The following LRRC2 variants were observed in gnomAD, a reference collection of about 807,000 sequenced individuals.
LRRC2 encodes the protein leucine rich repeat containing 2, also known as leucine-rich repeat-containing protein 2.
In LRRC2, 27 loss-of-function variants were observed where a neutral mutation model predicts 40.2. The ratio of observed to expected loss-of-function variants is 0.67; its 90% CI spans 0.49 to 0.93. The LOEUF is 0.93. Among genes scored for constraint, LRRC2 ranks in the 40% least tolerant of loss-of-function variants. The pLI, the probability that LRRC2 is intolerant of heterozygous loss-of-function variation, is 0.00. For missense variants in LRRC2, 402 were observed against 439.6 expected (o/e 0.91, Z 0.76); for synonymous variants, 147 against 158.9 (o/e 0.92, Z 0.56).
intron 4 of LRRC2, 77 bp from the exon 5 acceptor site, chr3:46,532,986 T>A: frequency 7.1e-7 from 1 of 1,411,702 alleles, no homozygotes; most frequent in Non-Finnish European, 9.8e-7. Flanking sequence ...AACTAAGAAG[T>A]AAACAGCTCT....
chr3:46,560,074 C>T (rs1396185551), intron 1 of LRRC2, among the ~76,000 whole-genome samples: 1 of 152,144 alleles, frequency 6.6e-6, no homozygotes, highest in African/African-American at 2.4e-5. Flanking sequence ...CCAGGTCCAG[C>T]CCAGCCCTTG....
chr3:46,551,739 G>A (rs1704658489), intron 1 of LRRC2, 129 bp from the exon 2 acceptor site: 1 of 362,632 alleles, frequency 2.8e-6, no homozygotes, highest in Non-Finnish European at 4.5e-6. Flanking sequence ...CTACTTCAAG[G>A]ATGACAGTTT....
chr3:46,565,118 C>G (rs1296679069), intron 1 of LRRC2, among the ~76,000 whole-genome samples: 1 of 152,128 alleles, frequency 6.6e-6, no homozygotes, highest in East Asian at 1.9e-4. Context: ...TCAGAGTTTC[C>G]CTGGGGACTT....
chr3:46,522,806 C>T (rs1703989816), intron 7 of LRRC2, among the ~76,000 whole-genome samples: 1 of 139,538 alleles, frequency 7.2e-6, no homozygotes, highest in Admixed American at 7.2e-5. Flanking sequence ...CACACACACA[C>T]ACAAGCTAAA....
intron 8 of LRRC2, among the ~76,000 whole-genome samples, chr3:46,519,761 C>A (rs1351965368): frequency 6.6e-6 from 1 of 152,228 alleles, no homozygotes; most frequent in Non-Finnish European, 1.5e-5. Flanking sequence ...TTGAATCACA[C>A]AAAGTTGTAG....
chr3:46,539,048 T>C lies in LRRC2; in HGVS notation c.487A>G (p.Ile163Val). 6.2e-7 allele frequency: 1 copy of C among 1,613,456 alleles called. No homozygotes were observed. Among genetic ancestry groups the C allele is most frequent in the Non-Finnish European group, 8.5e-7 (1 of 1,179,750 alleles). ...KNQISHLPAE[I>V]GCLKNLKELN... Reference sequence around the variant, plus strand: ...GACCCCTGCTAAGTTGACATACCGATTTCTGCTGGAAGATGTGAGATTTGG... The same window carrying C: ...GACCCCTGCTAAGTTGACATACCGACTTCTGCTGGAAGATGTGAGATTTGG... The change falls in exon 4 of 9, where the codon ATC (isoleucine) becomes GTC (valine). Residue 163 changes from isoleucine (I) to valine (V), a missense_variant. Coordinates refer to ENST00000395905, the MANE Select transcript of LRRC2 (RefSeq NM_024512.5).
chr3:46,519,402 G>A (rs1007458212), intron 8 of LRRC2, among the ~76,000 whole-genome samples: 3 of 152,162 alleles, frequency 2.0e-5, no homozygotes, highest in African/African-American at 4.8e-5. Flanking sequence ...AGATGGTCAC[G>A]GACTTGGGAC....
chr3:46,553,562 T>C (rs1704713988), intron 1 of LRRC2, among the ~76,000 whole-genome samples: 2 of 152,228 alleles, frequency 1.3e-5, no homozygotes, highest in Admixed American at 6.5e-5. Flanking sequence ...GGCGCATGTC[T>C]GTAGTCCCTC....
At chr3:46,533,275 C>T (rs565249253) in intron 4 of LRRC2, among the ~76,000 whole-genome samples, 3 of 152,194 alleles carry the variant, frequency 2.0e-5, no homozygotes, top group Non-Finnish European at 4.4e-5. Flanking sequence ...ACTCCCTGTT[C>T]TCCCAAAGCC....
At chr3:46,556,471 G>C (rs1271839315) in intron 1 of LRRC2, among the ~76,000 whole-genome samples, 1 of 151,534 alleles carries the variant, frequency 6.6e-6, no homozygotes, top group African/African-American at 2.4e-5. Context: ...TATTATATCT[G>C]GGCATGGATT....
intron 6 of LRRC2, among the ~76,000 whole-genome samples, chr3:46,527,939 G>A (rs1293792370): frequency 1.3e-5 from 2 of 152,092 alleles, no homozygotes; most frequent in African/African-American, 4.8e-5. Flanking sequence ...ATAGTGCCCA[G>A]GCTGGTCTTG....
rs539365679 is a variant in LRRC2, at chr3:46,521,566, T to G, written c.1022A>C (p.Asp341Ala). ...AATATAGGCTTTCATAACTTCTTTATCAAAATGTTGGCGATCCCGTTCACT... is the reference window on the plus strand; with the variant it reads ...AATATAGGCTTTCATAACTTCTTTAGCAAAATGTTGGCGATCCCGTTCACT... Reference protein sequence around the residue: ...MESERDRQHFDKEVMKAYIED... With the variant: ...MESERDRQHFAKEVMKAYIED... Residue 341 changes from aspartate (D) to alanine (A), a missense_variant, in exon 8 of 9, where the codon GAT (aspartate) becomes GCT (alanine). Transcript: ENST00000395905. 4.3e-6 allele frequency: 7 copies of G among 1,612,792 alleles called. No individual in the cohort carries two copies. Among genetic ancestry groups the G allele is most frequent in the Non-Finnish European group, 5.9e-6 (7 of 1,179,588 alleles).
chr3:46,534,402 TTTC>T (rs2107002164), intron 4 of LRRC2, among the ~76,000 whole-genome samples: 1 of 151,960 alleles, frequency 6.6e-6, no homozygotes, highest in African/African-American at 2.4e-5. Context: ...TTTTCTTTCT[TTTC>T]TTTTCTTTTC....
At chr3:46,537,349 C>G (rs1051480842) in intron 4 of LRRC2, among the ~76,000 whole-genome samples, 1 of 152,190 alleles carries the variant, frequency 6.6e-6, no homozygotes, top group Non-Finnish European at 1.5e-5. Context: ...ATCTGCCTGC[C>G]TCAGCCTCCC....
At chr3:46,532,364 G>A (rs377566523) in intron 5 of LRRC2, among the ~76,000 whole-genome samples, 1 of 152,140 alleles carries the variant, frequency 6.6e-6, no homozygotes, top group South Asian at 2.1e-4. Flanking sequence ...CAGGACTCTG[G>A]GAGGCCAAGG....
intron 1 of LRRC2, chr3:46,558,661 C>T (rs976783493): frequency 6.6e-6 from 1 of 152,258 alleles, no homozygotes; most frequent in East Asian, 1.9e-4. Flanking sequence ...CTTTCCTGAT[C>T]GCTGGGCTCC....
chr3:46,532,087 T>C (rs924121685), intron 5 of LRRC2, among the ~76,000 whole-genome samples: 1 of 152,224 alleles, frequency 6.6e-6, no homozygotes, highest in African/African-American at 2.4e-5. Flanking sequence ...ACTTTAATCA[T>C]CTACAAGTTT....
intron 1 of LRRC2, among the ~76,000 whole-genome samples, chr3:46,565,722 G>A (rs1373319166): frequency 6.6e-6 from 1 of 152,200 alleles, no homozygotes; most frequent in Non-Finnish European, 1.5e-5. Flanking sequence ...CCCAAGCCAG[G>A]GGGCGTGAGA....
intron 8 of LRRC2, among the ~76,000 whole-genome samples, chr3:46,520,130 AAT>A (rs1329121970): frequency 1.3e-5 from 2 of 148,978 alleles, no homozygotes; most frequent in Non-Finnish European, 1.5e-5. Context: ...AATAATAACT[AAT>A]AATATATTAT....
Sources: gnomAD v4.1 joint callset for allele counts (sites outside exome capture counted in the v4.1 genomes callset) on GRCh38, gnomAD v4.1.1 for gene constraint, MANE v1.5 for transcripts, NCBI Gene and HGNC (gene_info 2026-07-23, HGNC 2026-07-21) for gene names.